The following CENPT variants were observed in gnomAD, a reference collection of about 807,000 sequenced individuals.
The protein encoded by CENPT is interphase centromere complex protein 22.
In CENPT, 42 loss-of-function variants were observed where a neutral mutation model predicts 59.7. The observed-to-expected ratio is 0.70, with a 90% confidence interval of 0.55 to 0.91. The LOEUF (loss-of-function observed/expected upper bound fraction) is 0.91, where lower values mean the gene tolerates loss of function less well. CENPT is among the 40% of genes least tolerant of loss of function. CENPT has a pLI of 0.00. For synonymous variants in CENPT, 295 were observed against 289.6 expected, an observed-to-expected ratio of 1.02 and a Z score of -0.19; for missense variants, 716 against 713.4, an observed-to-expected ratio of 1.00 and a Z score of -0.04.
At chr16:67,828,974 C>T (rs1366240289) in intron 13 of CENPT, 131 bp from the exon 14 acceptor site, 2 of 910,990 alleles carry the variant, frequency 2.2e-6, no homozygotes, top group African/African-American at 1.7e-5. Flanking sequence ...GCAGCCCTGA[C>T]CACCTGCTGA....
At chr16:67,830,191 AG>A in intron 11 of CENPT, 103 bp from the exon 12 acceptor site, 1 of 1,298,502 alleles carries the variant, frequency 7.7e-7, no homozygotes, top group Non-Finnish European at 1.1e-6. Flanking sequence ...CTGCCCACTG[AG>A]GAAAGACAAA....
intron 11 of CENPT, 89 bp downstream of exon 11, chr16:67,830,301 G>T (rs2151284312): frequency 2.7e-6 from 4 of 1,491,368 alleles, no homozygotes; most frequent in Non-Finnish European, 3.6e-6. Flanking sequence ...TGCTCTAGGG[G>T]CACAGAGGGG....
At chr16:67,836,530 G>T (rs546430142) in intron 1 of CENPT, among the ~76,000 whole-genome samples, 219 of 149,862 alleles carry the variant, frequency 1.5e-3, no homozygotes, top group Non-Finnish European at 2.5e-3. Context: ...TCTGCCTCCT[G>T]GGTTCAAGCA....
chr16:67,831,806 C>T lies in CENPT; in HGVS notation c.471G>A (p.Leu157=), dbSNP rs200046488. ...CTCCCTGCTGAAACACTGACAGTCT[C>T]AGCCTCTGTTTCCTCCTGCCAGGGG... ...LLAPGRRKQR[L]RLSVFQQGVD... Residue 157 remains leucine (L), a synonymous_variant, in exon 8 of 16, where the codon CTG becomes CTA. Transcript: ENST00000562787. 3.0e-4 allele frequency: 481 copies of T among 1,600,188 alleles called. No individual in the cohort carries two copies. Among genetic ancestry groups the T allele is most frequent in the Non-Finnish European group, 3.9e-4 (457 of 1,174,236 alleles).
At chr16:67,839,502 G>A (rs931625630) in intron 1 of CENPT, among the ~76,000 whole-genome samples, 3 of 152,042 alleles carry the variant, frequency 2.0e-5, no homozygotes, top group Admixed American at 1.3e-4. Context: ...GGATGTTGCA[G>A]TGAGCCAAGA....
At position 67,830,534 on chromosome 16, in the gene CENPT, C is replaced by T. The variant is rs1363302826; in HGVS notation, c.718G>A (p.Asp240Asn). 9.3e-6 allele frequency: 15 copies of T among 1,614,012 alleles called. No homozygotes were observed. Among genetic ancestry groups the T allele is most frequent in the Non-Finnish European group, 1.3e-5 (15 of 1,179,968 alleles). ...SLAPPNIVLE[D>N]TQPFSQPMVG... is the part of the protein sequence containing the mutation. ...ATGGGCTGAGAGAACGGCTGGGTGT[C>T]CTCCAACACAATGTCTGTGGGCAGA... The change falls in exon 11 of 16, where the codon GAC becomes AAC. Residue 240 changes from aspartate to asparagine, a missense_variant. Physicochemically the swap from Asp to Asn is conservative, Grantham distance 23 (BLOSUM62 1). Transcript: ENST00000562787.
chr16:67,844,266 A>G (rs1217127426), intron 1 of CENPT: 1 of 159,966 alleles, frequency 6.3e-6, no homozygotes, highest in Non-Finnish European at 1.5e-5. Flanking sequence ...AATAGGCCTC[A>G]GCCTTTCTGA....
chr16:67,830,684 C>G lies in CENPT; in HGVS notation c.704-136G>C, dbSNP rs562883864. On this transcript the variant is annotated intron_variant, in intron 10 of 15. Coordinates refer to ENST00000562787, the MANE Select transcript of CENPT (RefSeq NM_025082.4). ...GGACAGTGGGCTGCATGGGTCCACC[C>G]TGAGTGGCCTTCAGAGAAAGAAGAC... 4.8e-5 allele frequency: 39 copies of G among 820,466 alleles called. No homozygotes were observed. In the Admixed American group the frequency reaches 1.0e-3, roughly 22 times the overall value. 50.8% of individuals were successfully genotyped at this position (820,466 alleles called of 1,614,324 possible).
intron 1 of CENPT, among the ~76,000 whole-genome samples, chr16:67,841,325 C>G (rs1305539304): frequency 6.6e-6 from 1 of 151,858 alleles, no homozygotes; most frequent in Non-Finnish European, 1.5e-5. Flanking sequence ...GAATAAAACC[C>G]CAAATCCTTA....
At chr16:67,831,659 G>A (rs768028004) in intron 8 of CENPT, 47 bp from the exon 9 acceptor site, 2 of 1,612,422 alleles carry the variant, frequency 1.2e-6, no homozygotes, top group Admixed American at 1.7e-5. Context: ...ACCATGGTAA[G>A]TGATCCAGGC....
chr16:67,831,552 A>G (rs773571241), intron 9 of CENPT, 24 bp downstream of exon 9: 15 of 1,613,618 alleles, frequency 9.3e-6, no homozygotes, highest in Non-Finnish European at 9.3e-6. Flanking sequence ...CCACTCCCAG[A>G]ACAGGAAACA....
intron 1 of CENPT, among the ~76,000 whole-genome samples, chr16:67,845,235 A>G (rs1448338699): frequency 6.6e-6 from 1 of 152,120 alleles, no homozygotes; most frequent in Non-Finnish European, 1.5e-5. Context: ...ACAAACGGAG[A>G]CTTTCAGACC....
rs754521545 is a variant in CENPT, at chr16:67,843,411, G to T, written c.-492+3990C>A. 2.7e-5 allele frequency: 43 copies of T among 1,613,932 alleles called. No homozygotes were observed. In the South Asian group the frequency reaches 4.6e-4, roughly 17 times the overall value. The stretch of plus-strand genomic sequence containing the variant: ...ATGAAAGGCAGCATTCGCCACCTGC[G>T]TCTCACTGAGGCCAAGCTGCGCGAA... On this transcript the variant is annotated intron_variant, in intron 1 of 15. Coordinates refer to ENST00000562787, the MANE Select transcript of CENPT (RefSeq NM_025082.4). The surrounding 1 kb of genome is among the most constrained non-coding windows in gnomAD (Gnocchi z 5.7).
chr16:67,843,309 C>T lies in CENPT; in HGVS notation c.-492+4092G>A. ...CATTCGTACTCCTTGTCGTCAGGCA[C>T]CACGGAGGAGGAGCTCCTGCGCAAG... On this transcript the variant is annotated intron_variant, in intron 1 of 15. Coordinates refer to ENST00000562787, the MANE Select transcript of CENPT (RefSeq NM_025082.4). This position sits in a 1 kb window ranked among gnomAD's most constrained non-coding sequence, Gnocchi z 5.7. 1 of 1,613,882 alleles carries T rather than the reference C, an allele frequency of 6.2e-7. No homozygotes were observed. Among genetic ancestry groups the T allele is most frequent in the Non-Finnish European group, 8.5e-7 (1 of 1,180,012 alleles).
intron 11 of CENPT, 89 bp from the exon 12 acceptor site, chr16:67,830,177 A>G: frequency 7.4e-7 from 1 of 1,357,492 alleles, no homozygotes; most frequent in Non-Finnish European, 1.0e-6. Context: ...CAGCAGACCC[A>G]GTCCTGCCCA....
Position 67,842,610 on chromosome 16 carries a change from A to G in CENPT, c.-492+4791T>C. The G allele has an allele frequency of 6.4e-7, 1 of 1,550,648 alleles. No homozygotes were observed. Among genetic ancestry groups the G allele is most frequent in the Non-Finnish European group, 8.7e-7 (1 of 1,146,664 alleles). Reference sequence around the variant, plus strand: ...TGCTACAACAACTCGCACCGGGACAAGGCGCTGCACTTCTACACGTTTCCA... The same window carrying G: ...TGCTACAACAACTCGCACCGGGACAGGGCGCTGCACTTCTACACGTTTCCA... On this transcript the variant is annotated intron_variant, in intron 1 of 15. Coordinates refer to ENST00000562787, the MANE Select transcript of CENPT (RefSeq NM_025082.4). The surrounding 1 kb of genome is among the most constrained non-coding windows in gnomAD (Gnocchi z 4.9).
Position 67,843,466 on chromosome 16 carries a change from C to G in CENPT, c.-492+3935G>C. 3 of 1,612,730 alleles carry G rather than the reference C, an allele frequency of 1.9e-6. No individual in the cohort carries two copies. The highest frequency in any genetic ancestry group is 2.5e-6 in the Non-Finnish European group (3 of 1,179,308). On this transcript the variant is annotated intron_variant, in intron 1 of 15. Transcript: ENST00000562787. This position sits in a 1 kb window ranked among gnomAD's most constrained non-coding sequence, Gnocchi z 5.7. ...TGCGTGAGAAGGATCGGCTGCTTGC[C>G]ATGGCTGTCATCCGCAAGAAGCACG...
rs114592660 is a variant in CENPT, at chr16:67,843,834, G to A, written c.-492+3567C>T. 426 of 274,774 alleles carry A rather than the reference G, an allele frequency of 1.6e-3. 1 individual carries two copies. The highest frequency in any genetic ancestry group is 9.0e-3 in the African/African-American group (404 of 44,678). 17.0% of individuals were successfully genotyped at this position (274,774 alleles called of 1,614,324 possible). A position where few individuals can be genotyped will look rare whatever the true frequency, so the allele number is the denominator to read the frequency against. Reference sequence around the variant, plus strand: ...CAGGTGGGATGTCCAGGGACTATAGGTTTGGGAAAACCATACCTTAAGGTT... The same window carrying A: ...CAGGTGGGATGTCCAGGGACTATAGATTTGGGAAAACCATACCTTAAGGTT... On this transcript the variant is annotated intron_variant, in intron 1 of 15. Coordinates refer to ENST00000562787, the MANE Select transcript of CENPT (RefSeq NM_025082.4). This position sits in a 1 kb window ranked among gnomAD's most constrained non-coding sequence, Gnocchi z 5.7.
chr16:67,831,857 G>A lies in CENPT; in HGVS notation c.420C>T (p.Pro140=), dbSNP rs562051979. Residue 140 remains proline, a synonymous_variant, in exon 8 of 16, where the codon CCC becomes CCT. Coordinates refer to ENST00000562787, the MANE Select transcript of CENPT (RefSeq NM_025082.4). ...CCAGCAGACCTGGAGCCAGGGTTGT[G>A]GGGGGCTCGAGCTCAGGAAGTTGCA... The part of the protein sequence containing the change: ...LELQLPELEP[P]TTLAPGLLAP... The A allele has an allele frequency of 3.7e-6, 6 of 1,611,374 alleles. 1 individual carries two copies.
Sources: gnomAD v4.1 joint callset for allele counts (sites outside exome capture counted in the v4.1 genomes callset) on GRCh38, gnomAD v4.1.1 for gene constraint, Gnocchi (gnomAD v3.1) non-coding constraint, MANE v1.5 for transcripts, NCBI Gene and HGNC (gene_info 2026-07-23, HGNC 2026-07-21) for gene names.